The following CARD14 variants were observed in gnomAD, a reference collection of about 807,000 sequenced individuals.
CARD14 encodes the protein caspase recruitment domain family member 14, also known as caspase recruitment domain-containing protein 14.
CARD14 carries 107 observed loss-of-function variants against 111.5 expected under a neutral mutation model. The ratio of observed to expected loss-of-function variants is 0.96; its 90% CI spans 0.82 to 1.13. The LOEUF is 1.13. Ranked by LOEUF, CARD14 falls within the 50% of genes most tolerant of loss-of-function variation. CARD14 has a pLI of 0.00. For synonymous variants in CARD14, 617 were observed against 579.6 expected (o/e 1.06, Z -0.93); for missense variants, 1,322 against 1,362.3 (o/e 0.97, Z 0.47).
At chr17:80,180,819 G>C (rs772120388) in intron 4 of CARD14, among the ~76,000 whole-genome samples, 1 of 152,202 alleles carries the variant, frequency 6.6e-6, no homozygotes, top group Non-Finnish European at 1.5e-5. Flanking sequence ...CTGGAGTGCA[G>C]TGGCACAATC....
chr17:80,201,970 C>T lies in CARD14; in HGVS notation c.1978+100C>T. ...CTGCACGCCCAGCAGCCAGGGACCC[C>T]CAGAGCCAAGAGAGGATCAGCCAGG... On this transcript the variant is annotated intron_variant, in intron 17 of 23. Transcript: ENST00000648509. The surrounding 1 kb of genome is among the most constrained non-coding windows in gnomAD (Gnocchi z 5.0). The T allele has an allele frequency of 1.4e-6, 2 of 1,456,134 alleles. No individual in the cohort carries two copies. Among genetic ancestry groups the T allele is most frequent in the South Asian group, 2.7e-5 (2 of 74,244 alleles). 90.2% of individuals were successfully genotyped at this position (1,456,134 alleles called of 1,614,324 possible).
rs147578051 is a variant in CARD14, at chr17:80,202,393, C to T, written c.2192C>T (p.Ala731Val). The part of the protein sequence containing the change: ...VNSYTMKDTA[A>V]HGTIPNYSRA... Reference sequence around the variant, plus strand: ...TCTTACACCATGAAGGATACTGCCGCGCACGGCACCATCCCCAACTACTCC... The same window carrying T: ...TCTTACACCATGAAGGATACTGCCGTGCACGGCACCATCCCCAACTACTCC... The change falls in exon 18 of 24, where the codon GCG (alanine) becomes GTG (valine). Residue 731 changes from alanine to valine, a missense_variant. Coordinates refer to ENST00000648509, the MANE Select transcript of CARD14 (RefSeq NM_001366385.1). 94 of 1,612,948 alleles carry T rather than the reference C, an allele frequency of 5.8e-5. No individual in the cohort carries two copies. Among genetic ancestry groups the T allele is most frequent in the Non-Finnish European group, 6.9e-5 (82 of 1,179,874 alleles).
chr17:80,205,563 A>T lies in CARD14; in HGVS notation c.2602A>T (p.Ser868Cys). Residue 868 changes from serine to cysteine, a missense_variant, in exon 22 of 24, where the codon AGC (serine) becomes TGC (cysteine). Coordinates refer to ENST00000648509, the MANE Select transcript of CARD14 (RefSeq NM_001366385.1). ...GAGCCAGGAGGAGTATGAGGCCTGG[A>T]GCCAGAGAGGGGACATCATCCAGGA... ...YLSQEEYEAW[S>C]QRGDIIQEGE... 8.8e-6 allele frequency: 14 copies of T among 1,583,106 alleles called. No individual in the cohort carries two copies. The highest frequency in any genetic ancestry group is 1.1e-5 in the Non-Finnish European group (13 of 1,164,066).
At chr17:80,204,124 C>A in intron 19 of CARD14, 103 bp from the exon 20 acceptor site, 2 of 1,142,800 alleles carry the variant, frequency 1.8e-6, no homozygotes, top group Non-Finnish European at 2.5e-6. Context: ...TGCGCCTCTG[C>A]ATCACTCCCA....
In CARD14 at chr17:80,183,938, C is replaced by T. The variant is rs775982786; in HGVS notation, c.375C>T (p.Thr125=). Residue 125 remains threonine (T), a synonymous_variant, in exon 7 of 24, where the codon ACC becomes ACT. Transcript: ENST00000648509. ...GTCTCATGGAGACATCCAAGCTGAC[C>T]GAGTGCCTGGCTGGGGCCATCGGCA... is the stretch of plus-strand genomic sequence containing the variant. ...FSGLMETSKL[T]ECLAGAIGSL... 10 of 1,527,770 alleles carry T rather than the reference C, an allele frequency of 6.5e-6. No individual in the cohort carries two copies. Among genetic ancestry groups the T allele is most frequent in the East Asian group, 4.6e-5 (2 of 43,498 alleles). 94.6% of individuals were successfully genotyped at this position (1,527,770 alleles called of 1,614,324 possible). A position where few individuals can be genotyped will look rare whatever the true frequency, so the allele number is the denominator to read the frequency against.
rs965706147 is a variant in CARD14 at position 80,182,860 on chromosome 17, C to A, written c.349+70C>A. 6.3e-7 allele frequency: 1 copy of A among 1,584,784 alleles called. No individual in the cohort carries two copies. The highest frequency in any genetic ancestry group is 1.1e-5 in the South Asian group (1 of 89,184). Reference sequence around the variant, plus strand: ...CTCAGGCTCCTGGTAACCCCAGGTGCCCCGCTTACTTGCCGATTTGCCCTA... The same window carrying A: ...CTCAGGCTCCTGGTAACCCCAGGTGACCCGCTTACTTGCCGATTTGCCCTA... On this transcript the variant is annotated intron_variant, in intron 6 of 23. Transcript: ENST00000648509. This position sits in a 1 kb window ranked among gnomAD's most constrained non-coding sequence, Gnocchi z 4.7.
At position 80,208,240 on chromosome 17, in the gene CARD14, G is replaced by T; in HGVS notation, c.2910G>T (p.Leu970=). 6.3e-7 allele frequency: 1 copy of T among 1,576,322 alleles called. No individual in the cohort carries two copies. ...GGGCGCCCTGTCTATACAGCAGCCTGGCTCCTGACGGCTGGAGCGACCTGG... is the reference window on the plus strand; with the variant it reads ...GGGCGCCCTGTCTATACAGCAGCCTTGCTCCTGACGGCTGGAGCGACCTGG... ...LDRAPCLYSS[L]APDGWSDLDG... The change falls in exon 24 of 24, where the codon CTG becomes CTT. Residue 970 remains leucine, a synonymous_variant. Transcript: ENST00000648509.
At chr17:80,192,386 AC>A in intron 11 of CARD14, 116 bp from the exon 12 acceptor site, 4 of 676,512 alleles carry the variant, frequency 5.9e-6, no homozygotes, top group Non-Finnish European at 5.2e-6. Flanking sequence ...CTGGAAGCTG[AC>A]GAGAGGAAAC....
chr17:80,182,933 T>C lies in CARD14; in HGVS notation c.349+143T>C. The C allele has an allele frequency of 1.0e-6, 1 of 980,776 alleles. No individual in the cohort carries two copies. The highest frequency in any genetic ancestry group is 1.5e-6 in the Non-Finnish European group (1 of 659,972). The allele number at this position is 980,776 out of a possible 1,614,324, so 60.8% of individuals were successfully genotyped here. A position where few individuals can be genotyped will look rare whatever the true frequency, so the allele number is the denominator to read the frequency against. Reference sequence around the variant, plus strand: ...AGTTCCTGTCCCAGCCCCAGCACTCTGAGGGTGAGGAACCCCCTCACTGTA... The same window carrying C: ...AGTTCCTGTCCCAGCCCCAGCACTCCGAGGGTGAGGAACCCCCTCACTGTA... On this transcript the variant is annotated intron_variant, in intron 6 of 23. Transcript: ENST00000648509. This position sits in a 1 kb window ranked among gnomAD's most constrained non-coding sequence, Gnocchi z 4.7.
At chr17:80,178,734 T>G (rs1457705056) in intron 3 of CARD14, 79 bp downstream of exon 3, 1 of 152,240 alleles carries the variant, frequency 6.6e-6, no homozygotes, top group East Asian at 1.9e-4. Flanking sequence ...ACGATCATTT[T>G]CCATGTTTTA....
At position 80,201,221 on chromosome 17, in the gene CARD14, C is replaced by T. The variant is rs1445067799; in HGVS notation, c.1852-523C>T. On this transcript the variant is annotated intron_variant, in intron 16 of 23. Transcript: ENST00000648509. This position sits in a 1 kb window ranked among gnomAD's most constrained non-coding sequence, Gnocchi z 5.0. ...AATATCTACTCTCCTAAGCTTAGAA[C>T]AATATTGAGAAGAAATGAAGTGGAT... 1 of 159,318 alleles carries T rather than the reference C, an allele frequency of 6.3e-6. No homozygotes were observed. Among genetic ancestry groups the T allele is most frequent in the Non-Finnish European group, 1.4e-5 (1 of 71,972 alleles). 9.9% of individuals were successfully genotyped at this position (159,318 alleles called of 1,614,324 possible).
chr17:80,204,019 G>T, intron 19 of CARD14, 134 bp downstream of exon 19: 3 of 830,224 alleles, frequency 3.6e-6, no homozygotes, highest in Non-Finnish European at 5.7e-6. Flanking sequence ...TCTCTCCTCT[G>T]CACCCCTTCA....
rs72343313 is a variant in CARD14 at position 80,173,324 on chromosome 17, A to ACGCG, written c.-367+111_-367+114dup. The stretch of plus-strand genomic sequence containing the variant: ...CACACACACACACACACACACACAC[A>ACGCG]CGCGCGCGCGCGCGCGCGGAATGAC... On this transcript the variant is annotated intron_variant, in intron 2 of 23. Coordinates refer to ENST00000648509, the MANE Select transcript of CARD14 (RefSeq NM_001366385.1). 6.7e-3 allele frequency: 755 copies of ACGCG among 112,124 alleles called. 5 individuals are homozygous for ACGCG. Among genetic ancestry groups the ACGCG allele is most frequent in the Non-Finnish European group, 0.01 (507 of 49,728 alleles). 6.9% of individuals were successfully genotyped at this position (112,124 alleles called of 1,614,324 possible).
At chr17:80,206,898 C>A in intron 22 of CARD14, 72 bp from the exon 23 acceptor site, 1 of 1,113,792 alleles carries the variant, frequency 9.0e-7, no homozygotes, top group Non-Finnish European at 1.3e-6. Flanking sequence ...CCCTTCTGAC[C>A]TGGGCGTTGG....
At position 80,182,284 on chromosome 17, in the gene CARD14, C is replaced by T. The variant is rs547534874; in HGVS notation, c.212-369C>T. On this transcript the variant is annotated intron_variant, in intron 5 of 23. Transcript: ENST00000648509. This position sits in a 1 kb window ranked among gnomAD's most constrained non-coding sequence, Gnocchi z 4.7. ...TGCGCAGCTCCAAAGCTGACAGCACCGTGGTGGGACCCTGCGTCTGCATCA... is the reference window on the plus strand; with the variant it reads ...TGCGCAGCTCCAAAGCTGACAGCACTGTGGTGGGACCCTGCGTCTGCATCA... 3.6e-4 allele frequency among the ~76,000 whole-genome samples: 55 copies of T among 152,274 alleles called. No individual in the cohort carries two copies. Among genetic ancestry groups the T allele is most frequent in the African/African-American group, 7.2e-4 (30 of 41,564 alleles).
intron 4 of CARD14, among the ~76,000 whole-genome samples, chr17:80,180,928 A>C (rs186330622): frequency 2.3e-4 from 35 of 151,968 alleles, no homozygotes; most frequent in Non-Finnish European, 3.7e-4. Context: ...ATGCCTGACT[A>C]ATTTTTGTAT....
chr17:80,182,663 G>A lies in CARD14; in HGVS notation c.222G>A (p.Leu74=), dbSNP rs569560613. The change falls in exon 6 of 24, where the codon CTG becomes CTA. Residue 74 remains leucine (L), a synonymous_variant. Transcript: ENST00000648509. This position sits in a 1 kb window ranked among gnomAD's most constrained non-coding sequence, Gnocchi z 4.7. ...TNSAMRAGHL[L]DLLKTRGKNG... Reference sequence around the variant, plus strand: ...GTTCTGCCTCCCAAGGGCACTTGCTGGATTTGCTGAAGACTCGAGGGAAGA... The same window carrying A: ...GTTCTGCCTCCCAAGGGCACTTGCTAGATTTGCTGAAGACTCGAGGGAAGA... 1 of 1,614,124 alleles carries A rather than the reference G, an allele frequency of 6.2e-7. No homozygotes were observed. The highest frequency in any genetic ancestry group is 2.2e-5 in the East Asian group (1 of 44,882).
chr17:80,195,307 C>T lies in CARD14; in HGVS notation c.1473C>T (p.Asp491=). The part of the protein sequence containing the change: ...QQSLYKRVAE[D]FGEEPWSFSS... The stretch of plus-strand genomic sequence containing the variant: ...CCCTGTACAAGCGGGTGGCCGAGGA[C>T]TTCGGGGAAGAACCCTGGTCTTTCA... The change falls in exon 13 of 24, where the codon GAC becomes GAT. Residue 491 remains aspartate (D), a synonymous_variant. Transcript: ENST00000648509. This position sits in a 1 kb window ranked among gnomAD's most constrained non-coding sequence, Gnocchi z 4.7. 6.2e-7 allele frequency: 1 copy of T among 1,612,590 alleles called. No homozygotes were observed. Among genetic ancestry groups the T allele is most frequent in the Non-Finnish European group, 8.5e-7 (1 of 1,179,410 alleles).
intron 6 of CARD14, 63 bp from the exon 7 acceptor site, chr17:80,183,826 GCCCACCTGCTCACCTGCTCACCTA>G: frequency 1.2e-5 from 13 of 1,119,630 alleles, no homozygotes; most frequent in Non-Finnish European, 1.5e-5. Context: ...ATGCTCACCT[GCCCACCTGCTCACCTGCTCACCTA>G]CCCACCTGCC....
Sources: gnomAD v4.1 joint callset for allele counts (sites outside exome capture counted in the v4.1 genomes callset) on GRCh38, gnomAD v4.1.1 for gene constraint, Gnocchi (gnomAD v3.1) non-coding constraint, MANE v1.5 for transcripts, NCBI Gene and HGNC (gene_info 2026-07-23, HGNC 2026-07-21) for gene names.